The following SNX1 variants were observed in gnomAD, a reference collection of about 807,000 sequenced individuals.
SNX1 encodes sorting nexin 1.
In SNX1, 36 loss-of-function variants were observed where a neutral mutation model predicts 71.8. The observed-to-expected ratio is 0.50, with a 90% CI of 0.38 to 0.66. SNX1 has a LOEUF of 0.66. Ranked by LOEUF, SNX1 falls within the 30% of genes least tolerant of loss-of-function variation. The pLI, the probability that SNX1 is intolerant of heterozygous loss-of-function variation, is 0.00. For missense variants in SNX1, 612 were observed against 646.7 expected, an observed-to-expected ratio of 0.95 and a Z score of 0.58; for synonymous variants, 254 against 240.7, an observed-to-expected ratio of 1.06 and a Z score of -0.51.
intron 4 of SNX1, 58 bp from the exon 5 acceptor site, chr15:64,123,445 C>G: frequency 7.0e-7 from 1 of 1,430,280 alleles, no homozygotes. Flanking sequence ...CAAATGTTAG[C>G]TGGATTGGCA....
intron 2 of SNX1, among the ~76,000 whole-genome samples, chr15:64,117,761 C>T (rs2140144180): frequency 6.6e-6 from 1 of 152,216 alleles, no homozygotes; most frequent in East Asian, 1.9e-4. Flanking sequence ...CACTGCACTC[C>T]AACCTGGGTG....
At chr15:64,127,898 A>G in intron 8 of SNX1, 92 bp downstream of exon 8, 1 of 868,426 alleles carries the variant, frequency 1.2e-6, no homozygotes, top group Middle Eastern at 2.3e-4. Flanking sequence ...AGCACTTAAC[A>G]TGCCTAGTAC....
intron 8 of SNX1, 120 bp downstream of exon 8, chr15:64,127,926 TTG>T: frequency 1.5e-6 from 1 of 679,106 alleles, no homozygotes; most frequent in Non-Finnish European, 2.5e-6. Flanking sequence ...TATCCTAGTT[TTG>T]TGTGAACCCC....
chr15:64,130,835 A>C (rs2081298982), intron 10 of SNX1, among the ~76,000 whole-genome samples: 1 of 152,252 alleles, frequency 6.6e-6, no homozygotes, highest in Admixed American at 6.5e-5. Context: ...GGCCAGGGTA[A>C]GTAAGGGTTG....
Position 64,134,890 on chromosome 15 carries a change from A to G in SNX1, c.1365+83A>G, listed in dbSNP as rs1234308655. 2 of 1,544,588 alleles carry G rather than the reference A, an allele frequency of 1.3e-6. No homozygotes were observed. Among genetic ancestry groups the G allele is most frequent in the African/African-American group, 2.7e-5 (2 of 73,250 alleles). ...GGCCCATCCCACCCAGAGGTTTGGA[A>G]CCCCACAGGGGGAAGAGCGCTGATT... On this transcript the variant is annotated intron_variant, in intron 12 of 14. Transcript: ENST00000559844. The surrounding 1 kb of genome is among the most constrained non-coding windows in gnomAD (Gnocchi z 4.1).
At position 64,129,398 on chromosome 15, in the gene SNX1, T is replaced by G. The variant is rs1471740768; in HGVS notation, c.808-518T>G. Among the ~76,000 whole-genome samples, 1 of 152,212 alleles carries G rather than the reference T, an allele frequency of 6.6e-6. No homozygotes were observed. The highest frequency in any genetic ancestry group is 1.5e-5 in the Non-Finnish European group (1 of 68,036). On this transcript the variant is annotated intron_variant, in intron 8 of 14. Coordinates refer to ENST00000559844, the MANE Select transcript of SNX1 (RefSeq NM_003099.5). The surrounding 1 kb of genome is among the most constrained non-coding windows in gnomAD (Gnocchi z 4.4). ...GACTGAACAGCAATCAGATTGTTTC[T>G]GAATATTTGGCATGCTTGACTACTA...
intron 4 of SNX1, among the ~76,000 whole-genome samples, 164 bp from the exon 5 acceptor site, chr15:64,123,339 A>G (rs553442300): frequency 6.6e-5 from 10 of 152,346 alleles, no homozygotes; most frequent in African/African-American, 2.4e-4. Flanking sequence ...CCCTGAGGCA[A>G]AGTAGGAACT....
chr15:64,128,723 G>A (rs989353148), intron 8 of SNX1, among the ~76,000 whole-genome samples: 6 of 151,946 alleles, frequency 3.9e-5, no homozygotes, highest in Non-Finnish European at 7.4e-5. Context: ...TCACCCTCTC[G>A]TCTTTACTCC....
intron 2 of SNX1, among the ~76,000 whole-genome samples, chr15:64,117,469 G>T (rs1008090786): frequency 6.6e-6 from 1 of 152,088 alleles, no homozygotes; most frequent in Non-Finnish European, 1.5e-5. Context: ...TGTTGCCCAG[G>T]GTGGTTTTAA....
intron 14 of SNX1, 63 bp downstream of exon 14, chr15:64,136,995 G>C: frequency 1.5e-6 from 2 of 1,371,206 alleles, no homozygotes; most frequent in South Asian, 1.2e-5. Context: ...CTGCCTCCTC[G>C]GGGCTTCTGC....
At chr15:64,117,179 T>A (rs1441690017) in intron 2 of SNX1, among the ~76,000 whole-genome samples, 1 of 152,184 alleles carries the variant, frequency 6.6e-6, no homozygotes, top group Non-Finnish European at 1.5e-5. Flanking sequence ...TTTGACGTCA[T>A]TTTTTTCCTG....
chr15:64,096,282 C>G, intron 1 of SNX1, 110 bp downstream of exon 1: 1 of 1,313,456 alleles, frequency 7.6e-7, no homozygotes, highest in Non-Finnish European at 1.0e-6. Context: ...GACCTTGCCT[C>G]GGTGTCAGCA....
Position 64,143,607 on chromosome 15 carries a change from C to G in SNX1, c.*5989C>G, listed in dbSNP as rs951133050. The G allele has an allele frequency of 6.6e-6, 1 of 152,268 alleles. No individual in the cohort carries two copies. The highest frequency in any genetic ancestry group is 1.5e-5 in the Non-Finnish European group (1 of 68,064). The allele number at this position is 152,268 out of a possible 1,614,324, so 9.4% of individuals were successfully genotyped here. ...GAAACTGATTGCAAATGTGCTACTTCTCACTTCTGTGTGGCCCGAGGAGGC... is the reference window on the plus strand; with the variant it reads ...GAAACTGATTGCAAATGTGCTACTTGTCACTTCTGTGTGGCCCGAGGAGGC... On this transcript the variant is annotated 3_prime_UTR_variant, in exon 15 of 15. Transcript: ENST00000559844.
At position 64,134,619 on chromosome 15, in the gene SNX1, C is replaced by G. The variant is rs1306517856; in HGVS notation, c.1222-45C>G. The G allele has an allele frequency of 5.7e-6, 9 of 1,579,718 alleles. No individual in the cohort carries two copies. Among genetic ancestry groups the G allele is most frequent in the Non-Finnish European group, 7.7e-6 (9 of 1,161,516 alleles). Reference sequence around the variant, plus strand: ...CTGCCTCGAGGCAGAGCCAGCAGAGCTCTTGAAGAGCTGGTTGTGCTCCTC... The same window carrying G: ...CTGCCTCGAGGCAGAGCCAGCAGAGGTCTTGAAGAGCTGGTTGTGCTCCTC... On this transcript the variant is annotated intron_variant, in intron 11 of 14. Transcript: ENST00000559844. This position sits in a 1 kb window ranked among gnomAD's most constrained non-coding sequence, Gnocchi z 4.1.
intron 1 of SNX1, among the ~76,000 whole-genome samples, chr15:64,099,577 A>G (rs1407580120): frequency 2.0e-5 from 3 of 152,228 alleles, no homozygotes; most frequent in Admixed American, 1.3e-4. Context: ...ACTTGAGCCC[A>G]GGAGCTTGAG....
rs779132736 is a variant in SNX1 at position 64,129,923 on chromosome 15, G to A, written c.815G>A (p.Arg272His). ...GCCTTCTTGGTCTTGTAGCTGCCAC[G>A]TGCCGTGGGTACCCAGACATTGAGT... is the stretch of plus-strand genomic sequence containing the variant. ...REFLEKEELP[R>H]AVGTQTLSGA... The change falls in exon 9 of 15, where the codon CGT becomes CAT. Residue 272 changes from arginine (R) to histidine (H), a missense_variant. Coordinates refer to ENST00000559844, the MANE Select transcript of SNX1 (RefSeq NM_003099.5). This position sits in a 1 kb window ranked among gnomAD's most constrained non-coding sequence, Gnocchi z 4.4. 8.7e-6 allele frequency: 14 copies of A among 1,613,582 alleles called. No homozygotes were observed. The highest frequency in any genetic ancestry group is 1.7e-5 in the Admixed American group (1 of 59,998).
At position 64,141,468 on chromosome 15, in the gene SNX1, A is replaced by C. The variant is rs1003788107; in HGVS notation, c.*3850A>C. 1 of 152,422 alleles carries C rather than the reference A, an allele frequency of 6.6e-6. No homozygotes were observed. Among genetic ancestry groups the C allele is most frequent in the South Asian group, 2.1e-4 (1 of 4,834 alleles). 9.4% of individuals were successfully genotyped at this position (152,422 alleles called of 1,614,324 possible). On this transcript the variant is annotated 3_prime_UTR_variant, in exon 15 of 15. Transcript: ENST00000559844. This position sits in a 1 kb window ranked among gnomAD's most constrained non-coding sequence, Gnocchi z 5.1. ...CAAGGAATAACAGGAGCACAAAGGAAGAAGGTGGTATTCCAGCTGGGGACC... is the reference window on the plus strand; with the variant it reads ...CAAGGAATAACAGGAGCACAAAGGACGAAGGTGGTATTCCAGCTGGGGACC...
At chr15:64,127,049 A>C (rs2081261385) in intron 6 of SNX1, 125 bp from the exon 7 acceptor site, 2 of 702,844 alleles carry the variant, frequency 2.8e-6, no homozygotes, top group East Asian at 2.7e-5. Context: ...TGCATATAAC[A>C]TAGAAGTGGC....
chr15:64,102,752 C>T (rs1033131408), intron 1 of SNX1, among the ~76,000 whole-genome samples: 4 of 148,574 alleles, frequency 2.7e-5, no homozygotes, highest in Non-Finnish European at 5.9e-5. Context: ...TGTATATATA[C>T]CACGCCTTCT....
Sources: allele counts gnomAD v4.1 joint callset (sites outside exome capture counted in the v4.1 genomes callset), GRCh38; gene constraint gnomAD v4.1.1; non-coding constraint Gnocchi (gnomAD v3.1); transcripts MANE v1.5; gene names NCBI Gene and HGNC (gene_info 2026-07-23, HGNC 2026-07-21).